Variants in TECRL observed in about 807,000 individuals in gnomAD.
TECRL encodes the protein trans-2,3-enoyl-CoA reductase like, also known as trans-2,3-enoyl-CoA reductase-like.
A neutral mutation model predicts 52.8 loss-of-function variants in TECRL; 63 were observed. The ratio of observed to expected loss-of-function variants is 1.19; its 90% CI spans 0.97 to 1.47. The LOEUF (loss-of-function observed/expected upper bound fraction) is 1.47. TECRL is among the 40% of genes most tolerant of loss of function. TECRL has a pLI of 0.00. For missense variants in TECRL, 482 were observed against 429.6 expected, an observed-to-expected ratio of 1.12 and a Z score of -1.08; for synonymous variants, 164 against 141.9, an observed-to-expected ratio of 1.16 and a Z score of -1.10.
intron 3 of TECRL, among the ~76,000 whole-genome samples, chr4:64,324,508 T>A (rs556499420): frequency 6.6e-6 from 1 of 152,088 alleles, no homozygotes; most frequent in Non-Finnish European, 1.5e-5. Context: ...AAAAGTTAAT[T>A]TGCATCTACC....
intron 1 of TECRL, among the ~76,000 whole-genome samples, chr4:64,383,383 A>G (rs1722954571): frequency 6.6e-6 from 1 of 151,960 alleles, no homozygotes; most frequent in Non-Finnish European, 1.5e-5. Flanking sequence ...CTTCTGGAAC[A>G]CTCAAATTTT....
In TECRL at chr4:64,333,548, A is replaced by C. The variant is rs139470290; in HGVS notation, c.287-4992T>G. On this transcript the variant is annotated intron_variant, in intron 2 of 11. Transcript: ENST00000381210. ...TTTGATTATATACAATGTGATTATAATACTACTAATAATGTATGTGCATAT... is the reference window on the plus strand; with the variant it reads ...TTTGATTATATACAATGTGATTATACTACTACTAATAATGTATGTGCATAT... Among the ~76,000 whole-genome samples, 134 of 152,348 alleles carry C rather than the reference A, an allele frequency of 8.8e-4. 1 individual carries two copies. In the South Asian group the frequency reaches 0.022, roughly 25 times the overall value.
chr4:64,371,009 T>C (rs1417561153), intron 2 of TECRL, among the ~76,000 whole-genome samples: 1 of 151,664 alleles, frequency 6.6e-6, no homozygotes, highest in Non-Finnish European at 1.5e-5. Flanking sequence ...CACACACTAT[T>C]TTTTTCACCC....
intron 1 of TECRL, among the ~76,000 whole-genome samples, chr4:64,401,781 G>T (rs887644242): frequency 6.6e-6 from 1 of 152,062 alleles, no homozygotes; most frequent in Non-Finnish European, 1.5e-5. Context: ...TGTTATTTAA[G>T]CTTTATGTAT....
intron 10 of TECRL, 35 bp downstream of exon 10, chr4:64,281,439 T>C (rs1462715303): frequency 7.9e-7 from 1 of 1,261,584 alleles, no homozygotes; most frequent in East Asian, 2.4e-5. Context: ...ATATCATGAA[T>C]AGGATTCAAG....
chr4:64,335,300 T>C (rs987113933), intron 2 of TECRL, among the ~76,000 whole-genome samples: 5 of 152,094 alleles, frequency 3.3e-5, no homozygotes, highest in Admixed American at 1.3e-4. Context: ...ACCTACCCTA[T>C]TGTGGACTGT....
chr4:64,334,030 CAAAAAA>C (rs4034910), intron 2 of TECRL, among the ~76,000 whole-genome samples: 1 of 28,036 alleles, frequency 3.6e-5, no homozygotes, highest in African/African-American at 8.7e-5. Flanking sequence ...GACTCCGTCT[CAAAAAA>C]AAAAAAAAAA....
At chr4:64,364,970 A>T (rs937092241) in intron 2 of TECRL, among the ~76,000 whole-genome samples, 1 of 152,076 alleles carries the variant, frequency 6.6e-6, no homozygotes, top group Non-Finnish European at 1.5e-5. Flanking sequence ...AAACCTGAGG[A>T]CAATAACCCC....
chr4:64,401,328 G>A (rs962619564), intron 1 of TECRL, among the ~76,000 whole-genome samples: 9 of 152,122 alleles, frequency 5.9e-5, no homozygotes, highest in Non-Finnish European at 1.2e-4. Context: ...ACCAACCCAG[G>A]AAGCTTGGCT....
intron 1 of TECRL, among the ~76,000 whole-genome samples, chr4:64,399,742 G>T (rs983850335): frequency 2.0e-5 from 3 of 152,186 alleles, no homozygotes; most frequent in Admixed American, 6.5e-5. Context: ...GGTGCACAAA[G>T]TGCCAAAGTT....
intron 2 of TECRL, among the ~76,000 whole-genome samples, chr4:64,362,104 CGG>C (rs1330480701): frequency 2.0e-5 from 3 of 152,070 alleles, no homozygotes; most frequent in African/African-American, 7.2e-5. Context: ...AAAAGAATCT[CGG>C]AGCTTGAAGA....
intron 2 of TECRL, among the ~76,000 whole-genome samples, chr4:64,354,124 A>G (rs1293219908): frequency 2.6e-5 from 4 of 152,210 alleles, no homozygotes; most frequent in Non-Finnish European, 5.9e-5. Context: ...TGGCATACTG[A>G]CAAAGAACAC....
chr4:64,381,858 C>CGT (rs140317109), intron 1 of TECRL, among the ~76,000 whole-genome samples: 11 of 150,410 alleles, frequency 7.3e-5, no homozygotes, highest in South Asian at 2.1e-4. Context: ...GTACTATTTG[C>CGT]GTGTGTGTGT....
chr4:64,402,343 A>C (rs943754487), intron 1 of TECRL, among the ~76,000 whole-genome samples: 3 of 152,132 alleles, frequency 2.0e-5, no homozygotes. Context: ...AGAAAAAAAT[A>C]CTAATATATC....
chr4:64,354,166 G>A (rs189993866), intron 2 of TECRL, among the ~76,000 whole-genome samples: 118 of 152,272 alleles, frequency 7.7e-4, no homozygotes, highest in East Asian at 1.7e-3. Flanking sequence ...TGATAGATAG[G>A]AGAGGAAGTG....
chr4:64,371,924 T>C (rs1213755885), intron 2 of TECRL, among the ~76,000 whole-genome samples: 1 of 151,816 alleles, frequency 6.6e-6, no homozygotes, highest in Non-Finnish European at 1.5e-5. Flanking sequence ...TGGGTGACGA[T>C]AGAAATAGAG....
intron 2 of TECRL, among the ~76,000 whole-genome samples, chr4:64,343,788 T>G (rs1003861951): frequency 2.0e-5 from 3 of 152,070 alleles, no homozygotes; most frequent in African/African-American, 7.2e-5. Flanking sequence ...GCTGGTTGAT[T>G]GCTGATACAT....
intron 1 of TECRL, among the ~76,000 whole-genome samples, chr4:64,375,460 A>G (rs1010482729): frequency 6.6e-6 from 1 of 151,916 alleles, no homozygotes; most frequent in African/African-American, 2.4e-5. Flanking sequence ...CATTAATTCA[A>G]TCCAATTTGT....
At chr4:64,287,295 C>T (rs966981284) in intron 9 of TECRL, among the ~76,000 whole-genome samples, 6 of 151,992 alleles carry the variant, frequency 3.9e-5, no homozygotes, top group African/African-American at 1.5e-4. Context: ...CAAACATATG[C>T]TTATATTATA....
Sources: gnomAD v4.1 joint callset for allele counts (sites outside exome capture counted in the v4.1 genomes callset) on GRCh38, gnomAD v4.1.1 for gene constraint, MANE v1.5 for transcripts, NCBI Gene and HGNC (gene_info 2026-07-23, HGNC 2026-07-21) for gene names.